Variants in TEKT3 observed in about 807,000 individuals in gnomAD.
TEKT3 encodes the protein tektin-3.
A neutral mutation model predicts 49.8 loss-of-function variants in TEKT3; 49 were observed. The ratio of observed to expected loss-of-function variants is 0.98; its 90% CI spans 0.78 to 1.25. TEKT3 has a LOEUF of 1.25. TEKT3 is among the 50% of genes most tolerant of loss of function. TEKT3 has a pLI of 0.00. For synonymous variants in TEKT3, 225 were observed against 237.2 expected (o/e 0.95, Z 0.47); for missense variants, 595 against 629.5 (o/e 0.95, Z 0.59).
chr17:15,306,672 G>T (rs970295159), intron 8 of TEKT3, among the ~76,000 whole-genome samples: 3 of 152,050 alleles, frequency 2.0e-5, no homozygotes, highest in Admixed American at 2.0e-4. Context: ...CATTTTAAAA[G>T]CAACCCTGTG....
rs1597653409 is a variant in TEKT3 at position 15,304,060 on chromosome 17, T to C, written c.1349A>G (p.His450Arg). ...GTCATACTCGAGTGTGGCTTTGATGTGGACCAGCGACTGCAGGGTGTCCTC... is the reference window on the plus strand; with the variant it reads ...GTCATACTCGAGTGTGGCTTTGATGCGGACCAGCGACTGCAGGGTGTCCTC... ...DAEDTLQSLVHIKATLEYDLA... is the reference protein window; with the variant it reads ...DAEDTLQSLVRIKATLEYDLA... Residue 450 changes from histidine to arginine, a missense_variant, in exon 9 of 9, where the codon CAC (histidine) becomes CGC (arginine). Transcript: ENST00000395930. The surrounding 1 kb of genome is among the most constrained non-coding windows in gnomAD (Gnocchi z 4.7). The C allele has an allele frequency of 6.2e-7, 1 of 1,614,186 alleles. No homozygotes were observed. The highest frequency in any genetic ancestry group is 8.5e-7 in the Non-Finnish European group (1 of 1,180,028).
rs749315760 is a variant in TEKT3, at chr17:15,328,071, G to A, written c.584C>T (p.Ala195Val). The A allele has an allele frequency of 1.6e-5, 26 of 1,613,072 alleles. No individual in the cohort carries two copies. Among genetic ancestry groups the A allele is most frequent in the East Asian group, 1.3e-4 (6 of 44,866 alleles). ...TTCTCGATGAAATAGACATTCTCGG[G>A]CTACCTACAGATACACAGATAATGG... ...LMETEAPLQVARECLFHREKR... is the reference protein window; with the variant it reads ...LMETEAPLQVVRECLFHREKR... The change falls in exon 4 of 9, where the codon GCC becomes GTC. Residue 195 changes from alanine (A) to valine (V), a missense_variant. Physicochemically the swap from Ala to Val is moderately conservative, Grantham distance 64. Coordinates refer to ENST00000395930, the MANE Select transcript of TEKT3 (RefSeq NM_031898.3).
intron 4 of TEKT3, among the ~76,000 whole-genome samples, chr17:15,325,554 G>C (rs1597413989): frequency 6.6e-6 from 1 of 152,072 alleles, no homozygotes; most frequent in African/African-American, 2.4e-5. Flanking sequence ...AGCATCTCTG[G>C]GTGTGGGACC....
rs759711827 is a variant in TEKT3, at chr17:15,314,170, G to T, written c.795C>A (p.Tyr265Ter). ...GGTGGTGGCATTTGTCGTCGATCCG[G>T]TAAGCCGTCTGTTTGTCACTCAGGT... is the stretch of plus-strand genomic sequence containing the variant. Reference protein sequence around the residue: ...EKDLSDKQTAYRIDDKCHHLR... With the variant: ...EKDLSDKQTA The change falls in exon 6 of 9, where the codon TAC becomes TAA. Residue 265 changes from tyrosine (Y) to a stop codon, truncating the protein, a stop_gained. Coordinates refer to ENST00000395930, the MANE Select transcript of TEKT3 (RefSeq NM_031898.3). LOFTEE classifies it high-confidence loss of function. The T allele has an allele frequency of 1.2e-6, 2 of 1,614,228 alleles. No homozygotes were observed. The highest frequency in any genetic ancestry group is 1.7e-5 in the Admixed American group (1 of 60,036).
At chr17:15,307,044 A>C (rs1910581862) in intron 8 of TEKT3, 1 of 152,242 alleles carries the variant, frequency 6.6e-6, no homozygotes, top group Non-Finnish European at 1.5e-5. Flanking sequence ...CCACCAGGAG[A>C]AATACAACTC....
chr17:15,338,571 A>T (rs992217766), intron 2 of TEKT3: 1 of 146,608 alleles, frequency 6.8e-6, no homozygotes. Flanking sequence ...TGGCGCCAAG[A>T]TGGCGCCACT....
At chr17:15,310,439 T>C (rs924371985) in intron 7 of TEKT3, among the ~76,000 whole-genome samples, 1 of 152,174 alleles carries the variant, frequency 6.6e-6, no homozygotes, top group Non-Finnish European at 1.5e-5. Flanking sequence ...AAATGAGGTC[T>C]TTAGGGTGGC....
At chr17:15,318,182 A>G (rs1911097175) in intron 5 of TEKT3, among the ~76,000 whole-genome samples, 1 of 151,204 alleles carries the variant, frequency 6.6e-6, no homozygotes, top group Admixed American at 6.6e-5. Context: ...GTAGAGACGG[A>G]CTTTCATGGT....
intron 5 of TEKT3, among the ~76,000 whole-genome samples, chr17:15,316,260 G>A (rs1416789564): frequency 6.6e-6 from 1 of 152,176 alleles, no homozygotes; most frequent in African/African-American, 2.4e-5. Context: ...TTAGAGAAGG[G>A]GCTGAAATGT....
chr17:15,341,141 G>A (rs1325618813), intron 1 of TEKT3, among the ~76,000 whole-genome samples: 2 of 152,166 alleles, frequency 1.3e-5, no homozygotes, highest in African/African-American at 2.4e-5. Context: ...TGAAGCAGAG[G>A]GGGACGAGGA....
At chr17:15,310,648 G>A (rs958734276) in intron 7 of TEKT3, among the ~76,000 whole-genome samples, 1 of 152,084 alleles carries the variant, frequency 6.6e-6, no homozygotes, top group Non-Finnish European at 1.5e-5. Context: ...TCTCTCTCCA[G>A]TGAGAAAATT....
At chr17:15,312,580 T>G (rs1910820769) in intron 6 of TEKT3, 99 bp from the exon 7 acceptor site, 1 of 1,010,704 alleles carries the variant, frequency 9.9e-7, no homozygotes, top group Admixed American at 2.3e-5. Context: ...AACCCCCAGG[T>G]CGCTGATCCT....
intron 4 of TEKT3, among the ~76,000 whole-genome samples, chr17:15,321,386 G>A (rs1380515328): frequency 7.2e-6 from 1 of 138,064 alleles, no homozygotes; most frequent in East Asian, 2.4e-4. Flanking sequence ...GGGTTCACAA[G>A]AATACAAAAA....
At chr17:15,343,022 C>T (rs1376176247), upstream of TEKT3, among the ~76,000 whole-genome samples, 1 of 152,180 alleles carries the variant, frequency 6.6e-6, no homozygotes, top group African/African-American at 2.4e-5. Context: ...GCCTAGAATC[C>T]GTAGACAATG....
rs1910637670 is a variant in TEKT3 at position 15,308,659 on chromosome 17, C to A, written c.1256+5G>T. On this transcript the variant is annotated splice_donor_5th_base_variant and intron_variant, in intron 8 of 8. Transcript: ENST00000395930. ...CGAGCCCCGAGCCTTCCCCTCCCAC[C>A]TTACCGTAGCTGAGCCATGTCTCGG... 2.5e-6 allele frequency: 4 copies of A among 1,603,072 alleles called. No homozygotes were observed. Among genetic ancestry groups the A allele is most frequent in the Admixed American group, 1.7e-5 (1 of 59,892 alleles).
rs1911152080 is a variant in TEKT3 at position 15,319,276 on chromosome 17, C to T, written c.664-129G>A. On this transcript the variant is annotated intron_variant, in intron 4 of 8. Coordinates refer to ENST00000395930, the MANE Select transcript of TEKT3 (RefSeq NM_031898.3). ...AATACTGTGAAGTTAAACAAGAAAA[C>T]AATTTTGCTTCCACTTATTTATCTA... 8.3e-6 allele frequency: 6 copies of T among 724,682 alleles called. No homozygotes were observed. The South Asian group carries it at 8.8e-5, about 11-fold the overall frequency. 44.9% of individuals were successfully genotyped at this position (724,682 alleles called of 1,614,324 possible).
At chr17:15,318,925 G>A in intron 5 of TEKT3, 152 bp downstream of exon 5, 2 of 558,078 alleles carry the variant, frequency 3.6e-6, no homozygotes, top group African/African-American at 1.9e-5. Context: ...GAGTAGCTGG[G>A]GTATCAAGTA....
At chr17:15,328,820 T>C (rs1033432081) in intron 3 of TEKT3, among the ~76,000 whole-genome samples, 2 of 152,176 alleles carry the variant, frequency 1.3e-5, no homozygotes, top group African/African-American at 4.8e-5. Flanking sequence ...TGAAAGAACA[T>C]TATGTAGCAG....
At chr17:15,312,899 C>T (rs1023338280) in intron 6 of TEKT3, among the ~76,000 whole-genome samples, 46 of 152,226 alleles carry the variant, frequency 3.0e-4, no homozygotes, top group African/African-American at 1.1e-3. Flanking sequence ...GCAGTGCTGG[C>T]GAGCATATTT....
Sources: allele counts gnomAD v4.1 joint callset (sites outside exome capture counted in the v4.1 genomes callset), GRCh38; gene constraint gnomAD v4.1.1; non-coding constraint Gnocchi (gnomAD v3.1); transcripts MANE v1.5; gene names NCBI Gene and HGNC (gene_info 2026-07-23, HGNC 2026-07-21).